Variants in FAM3D observed in about 807,000 individuals in gnomAD.
FAM3D encodes the protein protein FAM3D.
A neutral mutation model predicts 29.8 loss-of-function variants in FAM3D; 26 were observed. That is an observed-to-expected ratio of 0.87 (90% confidence interval 0.64 to 1.21). The LOEUF (loss-of-function observed/expected upper bound fraction) is 1.21. Ranked by LOEUF, FAM3D falls within the 50% of genes most tolerant of loss-of-function variation. The probability of loss-of-function intolerance (pLI) is 0.00; values close to 1 mark genes in which losing one functional copy is unlikely to be tolerated. For synonymous variants in FAM3D, 115 were observed against 102.3 expected, an observed-to-expected ratio of 1.12 and a Z score of -0.75; for missense variants, 253 against 290.9, an observed-to-expected ratio of 0.87 and a Z score of 0.95.
At chr3:58,660,262 C>G (rs78481856) in intron 1 of FAM3D, among the ~76,000 whole-genome samples, 14 of 152,302 alleles carry the variant, frequency 9.2e-5, no homozygotes, top group African/African-American at 3.1e-4. Context: ...AGTCAGGGCA[C>G]TGCCATGGGT....
chr3:58,635,949 C>G lies in FAM3D; in HGVS notation c.585+345G>C, dbSNP rs2066153898. ...GGGGACAGGCATCCTGCTCCTTTCC[C>G]CGGGATCCCCTTCCCCGCCACACAG... On this transcript the variant is annotated intron_variant, in intron 9 of 9. Transcript: ENST00000358781. This position sits in a 1 kb window ranked among gnomAD's most constrained non-coding sequence, Gnocchi z 5.2. 6.6e-6 allele frequency among the ~76,000 whole-genome samples: 1 copy of G among 152,250 alleles called. No homozygotes were observed. Among genetic ancestry groups the G allele is most frequent in the Non-Finnish European group, 1.5e-5 (1 of 68,054 alleles).
chr3:58,653,825 C>T (rs777070117), intron 2 of FAM3D, 44 bp from the exon 3 acceptor site: 8 of 1,492,272 alleles, frequency 5.4e-6, no homozygotes, highest in East Asian at 4.5e-5. Flanking sequence ...AGAGCCAAGA[C>T]CACATTGCAA....
rs570226062 is a variant in FAM3D at position 58,643,254 on chromosome 3, C to T, written c.322+408G>A. On this transcript the variant is annotated intron_variant, in intron 6 of 9. Coordinates refer to ENST00000358781, the MANE Select transcript of FAM3D (RefSeq NM_138805.3). ...TGACCCCCAGTGTCCTGTACAGAGC[C>T]TGGCCCACAGTAGCTGCTGCCTGTA... 2.2e-4 allele frequency among the ~76,000 whole-genome samples: 34 copies of T among 152,380 alleles called. No homozygotes were observed. The South Asian group carries it at 6.4e-3, about 29-fold the overall frequency.
In FAM3D at chr3:58,634,866, ATAATAT is replaced by A. The variant is rs1297659648; in HGVS notation, c.586-504_586-499del. 2.6e-5 allele frequency among the ~76,000 whole-genome samples: 4 copies of A among 152,172 alleles called. No individual in the cohort carries two copies. Among genetic ancestry groups the A allele is most frequent in the Admixed American group, 2.6e-4 (4 of 15,274 alleles). The stretch of plus-strand genomic sequence containing the variant: ...GGCTGGTAAGTGGCAGAACCACCAC[ATAATAT>A]TAATTAATACTAATAATAAGGGGTG... On this transcript the variant is annotated intron_variant, in intron 9 of 9. Transcript: ENST00000358781. The surrounding 1 kb of genome is among the most constrained non-coding windows in gnomAD (Gnocchi z 4.6).
chr3:58,645,335 G>C (rs2066444741), intron 5 of FAM3D, among the ~76,000 whole-genome samples, 174 bp downstream of exon 5: 1 of 152,204 alleles, frequency 6.6e-6, no homozygotes, highest in Non-Finnish European at 1.5e-5. Context: ...CAAGGTGCTG[G>C]TGGATGTGGG....
At chr3:58,647,089 G>C (rs777955675) in intron 4 of FAM3D, among the ~76,000 whole-genome samples, 1 of 152,178 alleles carries the variant, frequency 6.6e-6, no homozygotes, top group Non-Finnish European at 1.5e-5. Context: ...TGCTGGCTTG[G>C]TTTCCCTCCA....
Position 58,637,189 on chromosome 3 carries a change from G to T in FAM3D, c.410C>A (p.Pro137Gln), listed in dbSNP as rs146996854. ...MHLVKFLKEI[P>Q]GGALVLVASY... Reference sequence around the variant, plus strand: ...GGCCACCAGCACCAGTGCACCCCCCGGAATTTCTTTAAGGAATTTCACTAG... The same window carrying T: ...GGCCACCAGCACCAGTGCACCCCCCTGAATTTCTTTAAGGAATTTCACTAG... Residue 137 changes from proline (P) to glutamine (Q), a missense_variant, in exon 8 of 10, where the codon CCG becomes CAG. Physicochemically the swap from Pro to Gln is moderately conservative, Grantham distance 76. Transcript: ENST00000358781. 6.2e-7 allele frequency: 1 copy of T among 1,613,904 alleles called. No individual in the cohort carries two copies. The highest frequency in any genetic ancestry group is 8.5e-7 in the Non-Finnish European group (1 of 1,179,958).
chr3:58,663,008 C>G (rs1185247085), intron 1 of FAM3D, among the ~76,000 whole-genome samples: 2 of 152,240 alleles, frequency 1.3e-5, no homozygotes, highest in Non-Finnish European at 2.9e-5. Context: ...AAGCGATTCT[C>G]CTGCCTCAGC....
intron 7 of FAM3D, among the ~76,000 whole-genome samples, chr3:58,639,491 T>A: frequency 6.6e-6 from 1 of 152,214 alleles, no homozygotes; most frequent in South Asian, 2.1e-4. Flanking sequence ...AGGCAGAATG[T>A]CTGGTCCTCA....
At chr3:58,650,233 C>T (rs904868113) in intron 3 of FAM3D, among the ~76,000 whole-genome samples, 4 of 152,216 alleles carry the variant, frequency 2.6e-5, no homozygotes, top group Non-Finnish European at 4.4e-5. Context: ...CACTTACACG[C>T]TTTCCATTTG....
chr3:58,665,163 A>G (rs1367394027), intron 1 of FAM3D, among the ~76,000 whole-genome samples: 1 of 152,154 alleles, frequency 6.6e-6, no homozygotes, highest in Non-Finnish European at 1.5e-5. Flanking sequence ...CTAAACCTCC[A>G]GGTGCCCAAG....
chr3:58,643,546 G>A lies in FAM3D; in HGVS notation c.322+116C>T, dbSNP rs967935967. The A allele has an allele frequency of 1.2e-5, 14 of 1,121,348 alleles. No homozygotes were observed. In the East Asian group the frequency reaches 1.7e-4, roughly 13 times the overall value. The allele number at this position is 1,121,348 out of a possible 1,614,324, so 69.5% of individuals were successfully genotyped here. ...CCACGCTTCCCCTCCTGAGCTCTAC[G>A]GGCATTCCTGCCATGAGGTAGGAGC... On this transcript the variant is annotated intron_variant, in intron 6 of 9. Transcript: ENST00000358781.
chr3:58,656,233 G>A (rs2066794910), intron 1 of FAM3D, among the ~76,000 whole-genome samples: 1 of 152,144 alleles, frequency 6.6e-6, no homozygotes, highest in Non-Finnish European at 1.5e-5. Context: ...TTTGTGCCAG[G>A]TGCCATCTAT....
intron 4 of FAM3D, among the ~76,000 whole-genome samples, chr3:58,646,828 T>C (rs13315253): frequency 0.014 from 2,080 of 152,328 alleles, 52 homozygotes; most frequent in South Asian, 0.066. Flanking sequence ...AACTCCTGTG[T>C]CTGGCACATA....
At chr3:58,644,563 T>A (rs1466735612) in intron 5 of FAM3D, among the ~76,000 whole-genome samples, 1 of 152,228 alleles carries the variant, frequency 6.6e-6, no homozygotes, top group African/African-American at 2.4e-5. Flanking sequence ...CTCGGGTATG[T>A]CTTTATCAGC....
At chr3:58,652,269 C>T (rs1355338931) in intron 3 of FAM3D, among the ~76,000 whole-genome samples, 1 of 152,220 alleles carries the variant, frequency 6.6e-6, no homozygotes, top group Non-Finnish European at 1.5e-5. Context: ...GTGCTTGAGT[C>T]CATTCCACAA....
At chr3:58,648,541 A>C (rs2066540737) in intron 4 of FAM3D, among the ~76,000 whole-genome samples, 1 of 152,068 alleles carries the variant, frequency 6.6e-6, no homozygotes. Context: ...CTTACCTATA[A>C]AAGGGGCTAC....
intron 4 of FAM3D, among the ~76,000 whole-genome samples, chr3:58,646,468 C>T (rs2066484426): frequency 6.6e-6 from 1 of 152,182 alleles, no homozygotes; most frequent in South Asian, 2.1e-4. Context: ...AGCGGCTGAG[C>T]CCTCAACGTG....
At chr3:58,645,894 C>G (rs944851047) in intron 4 of FAM3D, among the ~76,000 whole-genome samples, 4 of 152,212 alleles carry the variant, frequency 2.6e-5, no homozygotes, top group African/African-American at 9.7e-5. Flanking sequence ...GCAGGGCACC[C>G]TTGGTAAATG....
Sources: allele counts gnomAD v4.1 joint callset (sites outside exome capture counted in the v4.1 genomes callset), GRCh38; gene constraint gnomAD v4.1.1; non-coding constraint Gnocchi (gnomAD v3.1); transcripts MANE v1.5; gene names NCBI Gene and HGNC (gene_info 2026-07-23, HGNC 2026-07-21).